EDA: variants seen among roughly 807,000 people sequenced by gnomAD.
The protein encoded by EDA is ectodysplasin A, also known as ectodysplasin-A.
Under a neutral mutation model 23.6 loss-of-function variants are expected in EDA, and 2 were observed. The observed-to-expected ratio is 0.08, with a 90% CI of 0.03 to 0.27. EDA has a LOEUF of 0.27. EDA is among the 10% of genes least tolerant of loss of function. The pLI, the probability that EDA is intolerant of heterozygous loss-of-function variation, is 1.00. For synonymous variants in EDA, 131 were observed against 132.0 expected, an observed-to-expected ratio of 0.99 and a Z score of 0.05; for missense variants, 229 against 324.2, an observed-to-expected ratio of 0.71 and a Z score of 2.26.
At chrX:69,620,531 AT>A (rs1301509085) in intron 1 of EDA, 1,401 of 130,216 alleles carry the variant, frequency 0.011, no homozygotes, top group Middle Eastern at 0.023. Flanking sequence ...AAATCCAAGG[AT>A]TTTTTTTTTT....
intron 1 of EDA, among the ~76,000 whole-genome samples, chrX:69,926,209 A>G (rs1339512719): frequency 1.8e-5 from 2 of 109,336 alleles, no homozygotes; most frequent in Non-Finnish European, 1.9e-5. Context: ...CTTTTGGATT[A>G]GTTTGCTCTT....
intron 1 of EDA, among the ~76,000 whole-genome samples, chrX:69,691,246 T>C (rs916630430): frequency 1.8e-5 from 2 of 111,757 alleles, no homozygotes; most frequent in Non-Finnish European, 3.8e-5. Context: ...TAGATTTGCC[T>C]TTAAAATTAG....
intron 1 of EDA, among the ~76,000 whole-genome samples, chrX:69,889,295 A>G (rs1052114812): frequency 1.4e-4 from 15 of 107,226 alleles, no homozygotes; most frequent in African/African-American, 5.1e-4. Flanking sequence ...CTACAGGCAC[A>G]CACCACCACA....
At chrX:69,966,760 T>C (rs745387618) in intron 2 of EDA, among the ~76,000 whole-genome samples, 19 of 109,934 alleles carry the variant, frequency 1.7e-4, no homozygotes, top group Non-Finnish European at 2.8e-4. Context: ...GTAATAATAA[T>C]GGTAATATTA....
chrX:69,696,013 G>A (rs2011328201), intron 1 of EDA, among the ~76,000 whole-genome samples: 1 of 110,263 alleles, frequency 9.1e-6, no homozygotes, highest in African/African-American at 3.3e-5. Context: ...GCCGAGGTGG[G>A]TGGATCACCT....
intron 2 of EDA, among the ~76,000 whole-genome samples, chrX:69,966,913 AT>A (rs1344865308): frequency 3.7e-5 from 4 of 109,059 alleles, no homozygotes; most frequent in Admixed American, 1.0e-4. Context: ...TTTAACATAT[AT>A]TTTTTATTTT....
At chrX:69,888,655 T>C (rs2017865830) in intron 1 of EDA, among the ~76,000 whole-genome samples, 1 of 108,522 alleles carries the variant, frequency 9.2e-6, no homozygotes, top group African/African-American at 3.3e-5. Context: ...GCTGTGCTTA[T>C]GTCAGACAAA....
intron 1 of EDA, among the ~76,000 whole-genome samples, chrX:69,869,557 T>C (rs1040598627): frequency 9.0e-6 from 1 of 111,687 alleles, no homozygotes; most frequent in African/African-American, 3.3e-5. Context: ...CGGGCTCAAG[T>C]CTGGAAATTG....
chrX:69,842,825 A>ACT (rs1160599844), intron 1 of EDA, among the ~76,000 whole-genome samples: 8 of 109,530 alleles, frequency 7.3e-5, no homozygotes, highest in Admixed American at 4.9e-4. Flanking sequence ...CACCTCCCCG[A>ACT]CTCTCTCTCT....
At chrX:69,980,841 G>C (rs750451479) in intron 2 of EDA, among the ~76,000 whole-genome samples, 2 of 112,252 alleles carry the variant, frequency 1.8e-5, no homozygotes, top group South Asian at 7.4e-4. Flanking sequence ...TAGAGTTACA[G>C]GTGGTGTGGA....
intron 1 of EDA, among the ~76,000 whole-genome samples, chrX:69,836,221 T>A (rs950355595): frequency 8.9e-6 from 1 of 112,498 alleles, no homozygotes; most frequent in Non-Finnish European, 1.9e-5. Flanking sequence ...AGTCTGTCCA[T>A]TCTCAGAGCT....
rs763666936 is a variant in EDA, at chrX:69,645,616, G to GTGTGTATATATATA, written c.396+28917_396+28918insATATATATATGTGT. Among the ~76,000 whole-genome samples, 44 of 56,475 alleles carry GTGTGTATATATATA rather than the reference G, an allele frequency of 7.8e-4. 9 individuals are homozygous for GTGTGTATATATATA. Among genetic ancestry groups the GTGTGTATATATATA allele is most frequent in the African/African-American group, 2.6e-3 (27 of 10,588 alleles). The allele number at this position is 56,475 out of a possible 115,157, so 49.0% of individuals were successfully genotyped here. ...TATGTGTGTGTGTATATATATATAT[G>GTGTGTATATATATA]TGTGTGTATATATATATATGTATAA... On this transcript the variant is annotated intron_variant, in intron 1 of 7. Coordinates refer to ENST00000374552, the MANE Select transcript of EDA (RefSeq NM_001399.5).
At chrX:69,884,248 A>C (rs1401258428) in intron 1 of EDA, among the ~76,000 whole-genome samples, 2 of 111,796 alleles carry the variant, frequency 1.8e-5, no homozygotes, top group Non-Finnish European at 3.8e-5. Context: ...TTACAAAAGA[A>C]GAAGTGAACC....
At chrX:69,843,748 T>C (rs1231823959) in intron 1 of EDA, among the ~76,000 whole-genome samples, 2 of 110,971 alleles carry the variant, frequency 1.8e-5, no homozygotes, top group African/African-American at 6.5e-5. Context: ...AATAGCCGGG[T>C]GCGGTGGCTC....
In EDA at chrX:69,957,125, A is replaced by C; in HGVS notation, c.495A>C (p.Gly165=). The change falls in exon 2 of 8, where the codon GGA becomes GGC. Residue 165 remains glycine, a synonymous_variant. Coordinates refer to ENST00000374552, the MANE Select transcript of EDA (RefSeq NM_001399.5). ...RRNKRSKSNE[G]ADGPVKNKKK... ...ATAAAAGAAGCAAAAGCAATGAAGG[A>C]GCAGATGGTAAGTCTACTCAGTTGA... 2.5e-6 allele frequency: 3 copies of C among 1,204,808 alleles called. No individual in the cohort carries two copies. Among genetic ancestry groups the C allele is most frequent in the Non-Finnish European group, 3.4e-6 (3 of 888,986 alleles).
intron 2 of EDA, among the ~76,000 whole-genome samples, chrX:70,005,838 A>G (rs2019796347): frequency 1.8e-5 from 2 of 111,853 alleles, no homozygotes; most frequent in South Asian, 7.5e-4. Flanking sequence ...TTTTGTATAC[A>G]GGAATATTGA....
At chrX:69,755,879 TCTC>T (rs1350094101) in intron 1 of EDA, among the ~76,000 whole-genome samples, 2 of 112,621 alleles carry the variant, frequency 1.8e-5, no homozygotes, top group Non-Finnish European at 3.8e-5. Flanking sequence ...TGGGATATAA[TCTC>T]CTGGTGTGCT....
At chrX:69,672,743 G>T (rs752933429) in intron 1 of EDA, 1 of 111,087 alleles carries the variant, frequency 9.0e-6, no homozygotes, top group Non-Finnish European at 1.9e-5. Context: ...TTAGCCGGGC[G>T]TGGTGGTGGG....
intron 1 of EDA, among the ~76,000 whole-genome samples, chrX:69,697,538 T>G (rs1474494738): frequency 1.8e-5 from 2 of 111,884 alleles, no homozygotes; most frequent in Non-Finnish European, 3.8e-5. Flanking sequence ...ACTTAATTTT[T>G]GGGTTATTCT....
Sources: allele counts gnomAD v4.1 joint callset (sites outside exome capture counted in the v4.1 genomes callset), GRCh38; gene constraint gnomAD v4.1.1; transcripts MANE v1.5; gene names NCBI Gene and HGNC (gene_info 2026-07-23, HGNC 2026-07-21).